The following CARS1 variants were observed in gnomAD, a reference collection of about 807,000 sequenced individuals.
The protein encoded by CARS1 is cysteinyl-tRNA synthetase 1.
CARS1 carries 48 observed loss-of-function variants against 106.2 expected under a neutral mutation model. The observed-to-expected ratio is 0.45, with a 90% CI of 0.36 to 0.57. CARS1 has a LOEUF of 0.57. CARS1 is among the 20% of genes least tolerant of loss of function. The pLI is 0.00. For synonymous variants in CARS1, 409 were observed against 403.4 expected (o/e 1.01, Z -0.17); for missense variants, 968 against 1,057.2 (o/e 0.92, Z 1.17).
In CARS1 at chr11:3,038,146, G is replaced by A. The variant is rs570654329; in HGVS notation, c.705C>T (p.Leu235=). Residue 235 remains leucine, a synonymous_variant, in exon 7 of 23, where the codon CTC becomes CTT. Transcript: ENST00000380525. This position sits in a 1 kb window ranked among gnomAD's most constrained non-coding sequence, Gnocchi z 4.0. ...ETTDPDKKQM[L]ERIQHAVQLA... ...GCTGCACTGCGTGCTGAATCCGTTCGAGCATCTGCTTTTTATCGGGATCCG... is the reference window on the plus strand; with the variant it reads ...GCTGCACTGCGTGCTGAATCCGTTCAAGCATCTGCTTTTTATCGGGATCCG... 2.0e-5 allele frequency: 33 copies of A among 1,614,010 alleles called. No individual in the cohort carries two copies. In the African/African-American group the frequency reaches 3.3e-4, roughly 16 times the overall value.
At position 3,053,218 on chromosome 11, in the gene CARS1, T is replaced by TA. The variant is rs1554886579; in HGVS notation, c.25+4124_25+4125insT. 2.7e-3 allele frequency among the ~76,000 whole-genome samples: 413 copies of TA among 152,204 alleles called. 5 individuals are homozygous for TA. In the East Asian group the frequency reaches 0.035, roughly 13 times the overall value. On this transcript the variant is annotated intron_variant, in intron 1 of 22. Transcript: ENST00000380525. This position sits in a 1 kb window ranked among gnomAD's most constrained non-coding sequence, Gnocchi z 6.6. ...CCTATCAGCATTTATTTTTTATTTA[T>TA]TTTTATTTTATTTTATTTTATTTTA...
At position 3,043,605 on chromosome 11, in the gene CARS1, C is replaced by T. The variant is rs557350197; in HGVS notation, c.275-1349G>A. Among the ~76,000 whole-genome samples the T allele has an allele frequency of 6.6e-6, 1 of 151,864 alleles. No individual in the cohort carries two copies. The highest frequency in any genetic ancestry group is 2.4e-5 in the African/African-American group (1 of 41,384). On this transcript the variant is annotated intron_variant, in intron 2 of 22. Coordinates refer to ENST00000380525, the MANE Select transcript of CARS1 (RefSeq NM_001014437.3). The surrounding 1 kb of genome is among the most constrained non-coding windows in gnomAD (Gnocchi z 4.0). ...GGCCGCCTGGCAGCTCACCAGGGTG[C>T]TCGCATCCTGCCTCCTCCTGTCCCT...
Position 3,046,876 on chromosome 11 carries a change from G to A in CARS1, c.274+877C>T, listed in dbSNP as rs7111857. Among the ~76,000 whole-genome samples, 61,798 of 151,996 alleles carry A rather than the reference G, an allele frequency of 0.41. 12,902 individuals are homozygous for A. Among genetic ancestry groups the A allele is most frequent in the African/African-American group, 0.45 (18,781 of 41,450 alleles). On this transcript the variant is annotated intron_variant, in intron 2 of 22. Transcript: ENST00000380525. This position sits in a 1 kb window ranked among gnomAD's most constrained non-coding sequence, Gnocchi z 5.8. ...TGCAGGCATCCCAGGAGTATCTCCC[G>A]CAAATAACCACAGGCACGTTCCACA...
chr11:3,024,664 T>A (rs536834146), intron 10 of CARS1, among the ~76,000 whole-genome samples: 2 of 152,008 alleles, frequency 1.3e-5, no homozygotes, highest in African/African-American at 4.8e-5. Flanking sequence ...CCCAGGTTGG[T>A]CTGGAACTCC....
intron 2 of CARS1, among the ~76,000 whole-genome samples, chr11:3,047,375 T>G (rs1266779949): frequency 6.7e-6 from 1 of 148,296 alleles, no homozygotes; most frequent in Non-Finnish European, 1.5e-5. Context: ...ATGGAAGAAA[T>G]AAAGAGAAAG....
At chr11:3,010,337 C>T (rs1169085150) in intron 18 of CARS1, among the ~76,000 whole-genome samples, 1 of 152,204 alleles carries the variant, frequency 6.6e-6, no homozygotes, top group East Asian at 1.9e-4. Flanking sequence ...CCCCAGAAGG[C>T]AGGTGGAAAT....
In CARS1 at chr11:3,039,018, A is replaced by G. The variant is rs776202026; in HGVS notation, c.651+176T>C. ...GTACATCTTTGCTGGTGACTTTGTC[A>G]CAGGCCAGGGGACCTTACCTATGGA... is the stretch of plus-strand genomic sequence containing the variant. On this transcript the variant is annotated intron_variant, in intron 6 of 22. Coordinates refer to ENST00000380525, the MANE Select transcript of CARS1 (RefSeq NM_001014437.3). This position sits in a 1 kb window ranked among gnomAD's most constrained non-coding sequence, Gnocchi z 5.6. 1.3e-5 allele frequency among the ~76,000 whole-genome samples: 2 copies of G among 152,222 alleles called. No homozygotes were observed. Among genetic ancestry groups the G allele is most frequent in the Non-Finnish European group, 2.9e-5 (2 of 68,042 alleles).
At chr11:3,014,419 G>A (rs939489558) in intron 17 of CARS1, among the ~76,000 whole-genome samples, 1 of 152,224 alleles carries the variant, frequency 6.6e-6, no homozygotes. Flanking sequence ...CGCCGCAGCT[G>A]CTTCTTCGCA....
chr11:3,024,840 G>C lies in CARS1; in HGVS notation c.1153+1836C>G, dbSNP rs373515798. Among the ~76,000 whole-genome samples the C allele has an allele frequency of 3.3e-5, 5 of 152,228 alleles. No homozygotes were observed. In the East Asian group the frequency reaches 9.6e-4, roughly 29 times the overall value. ...CCTTGAAAACGGTTCTTTGAGATTTGTGGAAATCTTTCTGTGGCCTGGCAT... is the reference window on the plus strand; with the variant it reads ...CCTTGAAAACGGTTCTTTGAGATTTCTGGAAATCTTTCTGTGGCCTGGCAT... On this transcript the variant is annotated intron_variant, in intron 10 of 22. Transcript: ENST00000380525.
chr11:3,035,826 G>C (rs1290409273), intron 7 of CARS1, among the ~76,000 whole-genome samples: 1 of 152,192 alleles, frequency 6.6e-6, no homozygotes, highest in Non-Finnish European at 1.5e-5. Context: ...AGATAAAAGT[G>C]AGCCTAGAAG....
intron 1 of CARS1, among the ~76,000 whole-genome samples, chr11:3,051,020 G>C (rs765127636): frequency 6.6e-6 from 1 of 152,266 alleles, no homozygotes; most frequent in Non-Finnish European, 1.5e-5. Flanking sequence ...TGAGTGGACA[G>C]CAGAATGGCA....
At position 3,050,088 on chromosome 11, in the gene CARS1, G is replaced by A. The variant is rs1459438356; in HGVS notation, c.26-2087C>T. ...CTACGGAGCCACGTGATGCCCCAAG[G>A]CCCAGCCTCCGTGGCTGCCGGAGAA... On this transcript the variant is annotated intron_variant, in intron 1 of 22. Transcript: ENST00000380525. This position sits in a 1 kb window ranked among gnomAD's most constrained non-coding sequence, Gnocchi z 6.3. 6.6e-6 allele frequency among the ~76,000 whole-genome samples: 1 copy of A among 152,174 alleles called. No individual in the cohort carries two copies. The highest frequency in any genetic ancestry group is 2.4e-5 in the African/African-American group (1 of 41,442).
Position 3,052,759 on chromosome 11 carries a change from A to C in CARS1, c.25+4584T>G, listed in dbSNP as rs1855821137. Reference sequence around the variant, plus strand: ...GTGTGTCTCGAGGAAACAAATAAAAATAGGTCAGCTTTCAAGTGGTCATGG... The same window carrying C: ...GTGTGTCTCGAGGAAACAAATAAAACTAGGTCAGCTTTCAAGTGGTCATGG... On this transcript the variant is annotated intron_variant, in intron 1 of 22. Transcript: ENST00000380525. The surrounding 1 kb of genome is among the most constrained non-coding windows in gnomAD (Gnocchi z 4.6). 6.6e-6 allele frequency among the ~76,000 whole-genome samples: 1 copy of C among 152,212 alleles called. No homozygotes were observed. The highest frequency in any genetic ancestry group is 1.5e-5 in the Non-Finnish European group (1 of 68,032).
Position 3,006,952 on chromosome 11 carries a change from C to G in CARS1, c.2076G>C (p.Glu692Asp). Residue 692 changes from glutamate to aspartate, a missense_variant, in exon 19 of 23, where the codon GAG becomes GAC. Coordinates refer to ENST00000380525, the MANE Select transcript of CARS1 (RefSeq NM_001014437.3). ...GCAGGGCATCGCTGAGCTGCAGAAT[C>G]TCAGGGACTGTAGGAGAAGCAGAGC... Reference protein sequence around the residue: ...RKIAREQKVPEILQLSDALRD... With the variant: ...RKIAREQKVPDILQLSDALRD... 1 of 1,613,948 alleles carries G rather than the reference C, an allele frequency of 6.2e-7. No homozygotes were observed. The highest frequency in any genetic ancestry group is 8.5e-7 in the Non-Finnish European group (1 of 1,179,934).
At chr11:3,002,398 G>T in intron 21 of CARS1, 143 bp downstream of exon 21, 1 of 1,461,278 alleles carries the variant, frequency 6.8e-7, no homozygotes, top group Non-Finnish European at 9.2e-7. Context: ...GGCCTTGGGT[G>T]GTGGAGGCAG....
At chr11:3,033,112 G>A (rs1267648418) in intron 7 of CARS1, among the ~76,000 whole-genome samples, 2 of 152,028 alleles carry the variant, frequency 1.3e-5, no homozygotes, top group Non-Finnish European at 1.5e-5. Flanking sequence ...CATCAGAGGG[G>A]GAGTTTTGTT....
At position 3,050,963 on chromosome 11, in the gene CARS1, G is replaced by A. The variant is rs1163569668; in HGVS notation, c.26-2962C>T. ...TGCTCGATCTTCAGCATCTACAACT[G>A]AGCGTGTGACATTCCAGATATCAGC... On this transcript the variant is annotated intron_variant, in intron 1 of 22. Transcript: ENST00000380525. The surrounding 1 kb of genome is among the most constrained non-coding windows in gnomAD (Gnocchi z 6.3). 2.6e-5 allele frequency among the ~76,000 whole-genome samples: 4 copies of A among 152,218 alleles called. No individual in the cohort carries two copies. The highest frequency in any genetic ancestry group is 7.2e-5 in the African/African-American group (3 of 41,462).
At position 3,046,632 on chromosome 11, in the gene CARS1, G is replaced by C. The variant is rs186659383; in HGVS notation, c.274+1121C>G. 6.6e-6 allele frequency among the ~76,000 whole-genome samples: 1 copy of C among 151,928 alleles called. No individual in the cohort carries two copies. The highest frequency in any genetic ancestry group is 6.6e-5 in the Admixed American group (1 of 15,256). ...CAGAGGCCTGACCCACGGCAGAGGCGGGGGGGCATGTTCCCAATCCCAGGC... is the reference window on the plus strand; with the variant it reads ...CAGAGGCCTGACCCACGGCAGAGGCCGGGGGGCATGTTCCCAATCCCAGGC... On this transcript the variant is annotated intron_variant, in intron 2 of 22. Coordinates refer to ENST00000380525, the MANE Select transcript of CARS1 (RefSeq NM_001014437.3). The surrounding 1 kb of genome is among the most constrained non-coding windows in gnomAD (Gnocchi z 5.8).
chr11:3,033,659 C>T (rs1233365494), intron 7 of CARS1, among the ~76,000 whole-genome samples: 2 of 151,970 alleles, frequency 1.3e-5, no homozygotes, highest in Admixed American at 1.3e-4. Context: ...CAAAGAAAAA[C>T]AGAATAAATC....
Sources: allele counts gnomAD v4.1 joint callset (sites outside exome capture counted in the v4.1 genomes callset), GRCh38; gene constraint gnomAD v4.1.1; non-coding constraint Gnocchi (gnomAD v3.1); transcripts MANE v1.5; gene names NCBI Gene and HGNC (gene_info 2026-07-23, HGNC 2026-07-21).